Variants in MED12L observed in about 807,000 individuals in gnomAD.
MED12L encodes the protein mediator complex subunit 12L.
MED12L carries 60 observed loss-of-function variants against 281.3 expected under a neutral mutation model. The ratio of observed to expected loss-of-function variants is 0.21; its 90% confidence interval spans 0.17 to 0.26. The LOEUF is 0.26. Ranked by LOEUF, MED12L falls within the 10% of genes least tolerant of loss-of-function variation. The pLI is 1.00. For missense variants in MED12L, 2,146 were observed against 2,680.9 expected, an observed-to-expected ratio of 0.80 and a Z score of 4.41; for synonymous variants, 974 against 987.2, an observed-to-expected ratio of 0.99 and a Z score of 0.25.
intron 22 of MED12L, 103 bp from the exon 23 acceptor site, chr3:151,365,747 G>A (rs1445702887): frequency 2.9e-6 from 3 of 1,048,564 alleles, no homozygotes; most frequent in Non-Finnish European, 4.0e-6. Context: ...CTAAGAAAAT[G>A]ACTTGTTTGA....
At chr3:151,291,582 G>A (rs1483061271) in intron 16 of MED12L, among the ~76,000 whole-genome samples, 2 of 152,100 alleles carry the variant, frequency 1.3e-5, no homozygotes, top group Admixed American at 1.3e-4. Context: ...AATACTGAAT[G>A]TAATCCAAAA....
chr3:151,230,270 G>A (rs1207615867), intron 16 of MED12L, among the ~76,000 whole-genome samples: 1 of 152,178 alleles, frequency 6.6e-6, no homozygotes, highest in Non-Finnish European at 1.5e-5. Context: ...CACCGCACCC[G>A]GCCGGGATCT....
At chr3:151,292,935 T>C (rs753999407) in intron 16 of MED12L, among the ~76,000 whole-genome samples, 2 of 152,176 alleles carry the variant, frequency 1.3e-5, no homozygotes, top group Non-Finnish European at 1.5e-5. Flanking sequence ...TGACACACAA[T>C]TGGGGGCGGT....
At chr3:151,328,856 C>T in intron 16 of MED12L, 1 of 1,614,000 alleles carries the variant, frequency 6.2e-7, no homozygotes, top group Non-Finnish European at 8.5e-7. Context: ...AACAAACACC[C>T]ACAGAGCCAA....
At chr3:151,266,399 A>G (rs1232024479) in intron 16 of MED12L, among the ~76,000 whole-genome samples, 1 of 152,256 alleles carries the variant, frequency 6.6e-6, no homozygotes, top group Admixed American at 6.5e-5. Flanking sequence ...AGTATCATCC[A>G]GATAGAAAGC....
At chr3:151,086,721 G>A (rs978542394) in intron 1 of MED12L, 77 bp from the exon 2 acceptor site, 11 of 447,488 alleles carry the variant, frequency 2.5e-5, no homozygotes, top group Non-Finnish European at 4.0e-5. Context: ...AGTACCCGCC[G>A]AAGGCTGTCC....
At chr3:151,269,771 T>G in intron 16 of MED12L, 1 of 424,542 alleles carries the variant, frequency 2.4e-6, no homozygotes, top group South Asian at 1.8e-5. Context: ...GGTGATCTAT[T>G]TTTAGAGTCC....
intron 11 of MED12L, among the ~76,000 whole-genome samples, chr3:151,172,882 T>C (rs1451458538): frequency 6.6e-6 from 1 of 152,240 alleles, no homozygotes; most frequent in Non-Finnish European, 1.5e-5. Context: ...AAGGAAGCGT[T>C]GCTAGTCTTT....
intron 8 of MED12L, among the ~76,000 whole-genome samples, chr3:151,161,519 A>G (rs1246649169): frequency 1.3e-5 from 2 of 152,140 alleles, no homozygotes; most frequent in Non-Finnish European, 2.9e-5. Context: ...CAGACTGGAG[A>G]GAGAACAGGG....
chr3:151,396,168 G>A (rs561934795), intron 39 of MED12L, among the ~76,000 whole-genome samples: 1 of 152,032 alleles, frequency 6.6e-6, no homozygotes, highest in African/African-American at 2.4e-5. Context: ...GCCTAAATAA[G>A]CAACATGTTT....
intron 20 of MED12L, among the ~76,000 whole-genome samples, chr3:151,359,007 T>G (rs1754288074): frequency 6.6e-6 from 1 of 152,186 alleles, no homozygotes; most frequent in Admixed American, 6.6e-5. Flanking sequence ...TGCTGAGGTT[T>G]CAGGTTATGA....
At position 151,384,191 on chromosome 3, in the gene MED12L, A is replaced by C; in HGVS notation, c.4899A>C (p.Ala1633=). 6.2e-7 allele frequency: 1 copy of C among 1,609,006 alleles called. No homozygotes were observed. Residue 1633 remains alanine, a synonymous_variant, in exon 35 of 45, where the codon GCA becomes GCC. Transcript: ENST00000687756. ...GGGGATCTGAAGAGAACAAGCGTGCATACATGAATTTAGTAAAGAAACTGA... is the reference window on the plus strand; with the variant it reads ...GGGGATCTGAAGAGAACAAGCGTGCCTACATGAATTTAGTAAAGAAACTGA... ...SPGGSEENKR[A]YMNLVKKLKK...
intron 11 of MED12L, among the ~76,000 whole-genome samples, chr3:151,170,277 C>CTT (rs113849929): frequency 4.4e-5 from 6 of 137,764 alleles, no homozygotes; most frequent in Non-Finnish European, 6.4e-5. Context: ...TTTTCTTTTT[C>CTT]TTTTTTTTTT....
chr3:151,386,585 T>G (rs1200962457), intron 36 of MED12L, among the ~76,000 whole-genome samples: 1 of 150,114 alleles, frequency 6.7e-6, no homozygotes, highest in Non-Finnish European at 1.5e-5. Context: ...TTTGTTTTTT[T>G]TTTTTTTTCA....
intron 43 of MED12L, among the ~76,000 whole-genome samples, chr3:151,416,687 T>C (rs1437305679): frequency 1.3e-5 from 2 of 152,204 alleles, no homozygotes; most frequent in South Asian, 2.1e-4. Context: ...ATTTTTTACA[T>C]TGAGACGTGG....
At chr3:151,313,212 C>T (rs919653434) in intron 16 of MED12L, among the ~76,000 whole-genome samples, 5 of 152,140 alleles carry the variant, frequency 3.3e-5, no homozygotes, top group Admixed American at 3.3e-4. Flanking sequence ...GTTTGGTATT[C>T]ATGTGCTGAT....
At chr3:151,299,820 C>T (rs1051232267) in intron 16 of MED12L, among the ~76,000 whole-genome samples, 1 of 151,936 alleles carries the variant, frequency 6.6e-6, no homozygotes, top group Non-Finnish European at 1.5e-5. Flanking sequence ...TAATTTAATC[C>T]TACTTGTCAT....
At chr3:151,312,917 A>G (rs1473742356) in intron 16 of MED12L, among the ~76,000 whole-genome samples, 1 of 152,212 alleles carries the variant, frequency 6.6e-6, no homozygotes, top group African/African-American at 2.4e-5. Flanking sequence ...CTTGACATGT[A>G]GTAATAACTC....
At chr3:151,271,361 A>G (rs1559965398) in intron 16 of MED12L, among the ~76,000 whole-genome samples, 1 of 152,190 alleles carries the variant, frequency 6.6e-6, no homozygotes, top group Non-Finnish European at 1.5e-5. Flanking sequence ...AATGTTAAGA[A>G]TTGACGAGGA....
Sources: allele counts gnomAD v4.1 joint callset (sites outside exome capture counted in the v4.1 genomes callset), GRCh38; gene constraint gnomAD v4.1.1; transcripts MANE v1.5; gene names NCBI Gene and HGNC (gene_info 2026-07-23, HGNC 2026-07-21).